Variants in PPP2R2C observed in about 807,000 individuals in gnomAD.
The protein encoded by PPP2R2C is protein phosphatase 2 regulatory subunit Bgamma.
PPP2R2C carries 10 observed loss-of-function variants against 45.3 expected under a neutral mutation model. The ratio of observed to expected loss-of-function variants is 0.22; its 90% CI spans 0.14 to 0.37. PPP2R2C has a LOEUF of 0.37. PPP2R2C is among the 10% of genes least tolerant of loss of function. PPP2R2C has a pLI of 1.00. For missense variants in PPP2R2C, 308 were observed against 619.7 expected (o/e 0.50, Z 5.34); for synonymous variants, 257 against 245.4 (o/e 1.05, Z -0.44).
intron 2 of PPP2R2C, among the ~76,000 whole-genome samples, chr4:6,480,519 G>A (rs764657040): frequency 5.3e-5 from 8 of 152,074 alleles, no homozygotes; most frequent in Admixed American, 2.6e-4. Flanking sequence ...AAATATTTAC[G>A]AGCATACCAT....
intron 1 of PPP2R2C, among the ~76,000 whole-genome samples, chr4:6,541,228 C>T (rs1312381293): frequency 6.6e-6 from 1 of 152,150 alleles, no homozygotes; most frequent in Non-Finnish European, 1.5e-5. Context: ...GCTGGACACA[C>T]AGCCCCCTGA....
At chr4:6,436,061 C>G (rs1719877354) in intron 1 of PPP2R2C, among the ~76,000 whole-genome samples, 1 of 152,152 alleles carries the variant, frequency 6.6e-6, no homozygotes, top group Non-Finnish European at 1.5e-5. Flanking sequence ...CAGAGAGCTC[C>G]CTAGCCCCTT....
chr4:6,465,654 TAAA>T (rs11430416), intron 1 of PPP2R2C, among the ~76,000 whole-genome samples: 1 of 147,772 alleles, frequency 6.8e-6, no homozygotes, highest in East Asian at 2.0e-4. Context: ...AATTCAAATT[TAAA>T]AAAAAAAAAG....
At chr4:6,433,470 T>C (rs1262890858) in intron 1 of PPP2R2C, among the ~76,000 whole-genome samples, 1 of 152,140 alleles carries the variant, frequency 6.6e-6, no homozygotes, top group Non-Finnish European at 1.5e-5. Flanking sequence ...GCCGCCAAGT[T>C]TTCCCATCAT....
intron 5 of PPP2R2C, among the ~76,000 whole-genome samples, chr4:6,355,518 TAAAA>T (rs569352630): frequency 5.3e-5 from 2 of 37,474 alleles, no homozygotes; most frequent in African/African-American, 1.8e-4. Context: ...TAAAGTATAA[TAAAA>T]AAAAGAAAAA....
intron 5 of PPP2R2C, among the ~76,000 whole-genome samples, chr4:6,363,462 C>G (rs1560482278): frequency 6.6e-6 from 1 of 151,912 alleles, no homozygotes; most frequent in Non-Finnish European, 1.5e-5. Flanking sequence ...ACCTGTAGCC[C>G]CAGCTACTCA....
intron 1 of PPP2R2C, among the ~76,000 whole-genome samples, chr4:6,416,878 TGTCGG>T (rs1357443489): frequency 2.0e-5 from 3 of 152,236 alleles, no homozygotes; most frequent in South Asian, 4.2e-4. Flanking sequence ...CCCTTCCCCC[TGTCGG>T]GGGGAGACTG....
chr4:6,509,427 T>C (rs1723353478), intron 2 of PPP2R2C, among the ~76,000 whole-genome samples: 1 of 151,966 alleles, frequency 6.6e-6, no homozygotes, highest in African/African-American at 2.4e-5. Flanking sequence ...GTCGAAATGT[T>C]ATTCAGAAAT....
intron 6 of PPP2R2C, among the ~76,000 whole-genome samples, chr4:6,346,692 G>A (rs1164105802): frequency 6.6e-6 from 1 of 152,208 alleles, no homozygotes; most frequent in Non-Finnish European, 1.5e-5. Flanking sequence ...CAAGGAAGGA[G>A]GCAGAAGCTG....
At chr4:6,433,545 C>G (rs1463408219) in intron 1 of PPP2R2C, among the ~76,000 whole-genome samples, 1 of 152,208 alleles carries the variant, frequency 6.6e-6, no homozygotes, top group African/African-American at 2.4e-5. Context: ...CTAAGGCCCC[C>G]TCCCTGTGCC....
chr4:6,365,723 C>T (rs750556003), intron 5 of PPP2R2C, among the ~76,000 whole-genome samples: 113 of 152,158 alleles, frequency 7.4e-4, no homozygotes, highest in Non-Finnish European at 6.6e-4. Context: ...AATGGCTGCA[C>T]CCCCCTCCAG....
At chr4:6,389,740 C>T (rs1384482778) in intron 1 of PPP2R2C, among the ~76,000 whole-genome samples, 3 of 152,212 alleles carry the variant, frequency 2.0e-5, no homozygotes, top group Non-Finnish European at 4.4e-5. Context: ...ATTACTGAAT[C>T]TTCTTAACAA....
chr4:6,524,976 T>C (rs773462368), intron 2 of PPP2R2C, among the ~76,000 whole-genome samples: 4 of 152,014 alleles, frequency 2.6e-5, no homozygotes, highest in Non-Finnish European at 5.9e-5. Flanking sequence ...AATTAGCTAC[T>C]TGGAGAGGCT....
rs553028608 is a variant in PPP2R2C at position 6,320,709 on chromosome 4, A to G, written c.*2593T>C. On this transcript the variant is annotated 3_prime_UTR_variant, in exon 9 of 9. Transcript: ENST00000382599. ...AATGCACCTATGAGTTACAGAGTCCAAACTGATCAGGGCTGACAACTTGAC... is the reference window on the plus strand; with the variant it reads ...AATGCACCTATGAGTTACAGAGTCCGAACTGATCAGGGCTGACAACTTGAC... 1.3e-5 allele frequency: 2 copies of G among 152,656 alleles called. No individual in the cohort carries two copies. Among genetic ancestry groups the G allele is most frequent in the African/African-American group, 4.8e-5 (2 of 41,586 alleles). The allele number at this position is 152,656 out of a possible 1,614,324, so 9.5% of individuals were successfully genotyped here. A position where few individuals can be genotyped will look rare whatever the true frequency, so the allele number is the denominator to read the frequency against.
chr4:6,383,187 C>A, intron 1 of PPP2R2C: 5 of 1,187,170 alleles, frequency 4.2e-6, no homozygotes, highest in African/African-American at 1.6e-5. Flanking sequence ...CCTGCGCAGG[C>A]TGGCCCACTG....
Position 6,437,167 on chromosome 4 carries a change from T to C in PPP2R2C, c.70+34993A>G, listed in dbSNP as rs35628238. 4.1e-3 allele frequency among the ~76,000 whole-genome samples: 618 copies of C among 152,332 alleles called. 1 individual carries two copies. Among genetic ancestry groups the C allele is most frequent in the Middle Eastern group, 0.027 (8 of 292 alleles). ...GTCATGGTGCACTGTGTCTTGCTTATACATTTTGTACTTTGCTCACTGATA... is the reference window on the plus strand; with the variant it reads ...GTCATGGTGCACTGTGTCTTGCTTACACATTTTGTACTTTGCTCACTGATA... On this transcript the variant is annotated intron_variant, in intron 1 of 8. Transcript: ENST00000382599.
chr4:6,322,125 A>G lies in PPP2R2C; in HGVS notation c.*1177T>C, dbSNP rs1577061619. ...GTCGTCGCCAAGTCTGCCATGTCCT[A>G]CTTCACAAGACAGAGGCATTCCTTT... is the stretch of plus-strand genomic sequence containing the variant. On this transcript the variant is annotated 3_prime_UTR_variant, in exon 9 of 9. Coordinates refer to ENST00000382599, the MANE Select transcript of PPP2R2C (RefSeq NM_020416.4). The surrounding 1 kb of genome is among the most constrained non-coding windows in gnomAD (Gnocchi z 7.8). 2.0e-5 allele frequency: 3 copies of G among 150,486 alleles called. No homozygotes were observed. Among genetic ancestry groups the G allele is most frequent in the East Asian group, 4.0e-4 (2 of 5,062 alleles). 9.3% of individuals were successfully genotyped at this position (150,486 alleles called of 1,614,324 possible).
At chr4:6,464,015 C>T (rs1440796316) in intron 1 of PPP2R2C, among the ~76,000 whole-genome samples, 2 of 152,198 alleles carry the variant, frequency 1.3e-5, no homozygotes, top group African/African-American at 2.4e-5. Context: ...CAGTCAGGAG[C>T]GTGGGTTTGG....
intron 2 of PPP2R2C, among the ~76,000 whole-genome samples, chr4:6,520,565 A>C (rs1156985688): frequency 2.0e-5 from 3 of 152,240 alleles, no homozygotes; most frequent in African/African-American, 4.8e-5. Flanking sequence ...AGCACAGCCC[A>C]AAACCAATAA....
Sources: allele counts gnomAD v4.1 joint callset (sites outside exome capture counted in the v4.1 genomes callset), GRCh38; gene constraint gnomAD v4.1.1; non-coding constraint Gnocchi (gnomAD v3.1); transcripts MANE v1.5; gene names NCBI Gene and HGNC (gene_info 2026-07-23, HGNC 2026-07-21).